Variants in CPNE1 observed in about 807,000 individuals in gnomAD.
CPNE1 encodes copine-1.
A neutral mutation model predicts 63.2 loss-of-function variants in CPNE1; 58 were observed. The observed-to-expected ratio is 0.92, with a 90% CI of 0.74 to 1.14. The LOEUF (loss-of-function observed/expected upper bound fraction) is 1.14, where lower values mean the gene tolerates loss of function less well. Among genes scored for constraint, CPNE1 ranks in the 50% most tolerant of loss-of-function variants. The pLI is 0.00. For synonymous variants in CPNE1, 237 were observed against 249.0 expected (o/e 0.95, Z 0.45); for missense variants, 672 against 661.7 (o/e 1.02, Z -0.17).
At chr20:35,630,548 A>C in intron 12 of CPNE1, 58 bp from the exon 13 acceptor site, 1 of 1,582,816 alleles carries the variant, frequency 6.3e-7, no homozygotes, top group Non-Finnish European at 8.7e-7. Flanking sequence ...AGAATGAAAA[A>C]GGACACTGGC....
chr20:35,648,589 C>T (rs2033292411), intron 1 of CPNE1, among the ~76,000 whole-genome samples: 1 of 152,208 alleles, frequency 6.6e-6, no homozygotes, highest in African/African-American at 2.4e-5. Context: ...GTCTAGCCCC[C>T]TCTAAAACAC....
At chr20:35,640,797 A>G (rs1452022565) in intron 1 of CPNE1, among the ~76,000 whole-genome samples, 1 of 152,192 alleles carries the variant, frequency 6.6e-6, no homozygotes, top group Non-Finnish European at 1.5e-5. Flanking sequence ...GAAAGGAGTG[A>G]TACTCAAGGA....
chr20:35,663,679 A>C (rs959047716), intron 1 of CPNE1, among the ~76,000 whole-genome samples: 1 of 152,194 alleles, frequency 6.6e-6, no homozygotes, highest in Non-Finnish European at 1.5e-5. Context: ...TTAGCACTTA[A>C]TACTGAGTAA....
intron 1 of CPNE1, among the ~76,000 whole-genome samples, chr20:35,636,689 C>T (rs565909272): frequency 5.3e-5 from 8 of 152,120 alleles, no homozygotes; most frequent in Non-Finnish European, 8.8e-5. Context: ...CCCAGCTACT[C>T]GGGAGCCAGG....
chr20:35,651,567 C>CT (rs2146339539), intron 1 of CPNE1: 1 of 152,336 alleles, frequency 6.6e-6, no homozygotes, highest in Non-Finnish European at 1.5e-5. Context: ...ATGGGCCCCT[C>CT]TTTGTTTAAA....
intron 1 of CPNE1, among the ~76,000 whole-genome samples, chr20:35,639,555 T>C (rs1328273100): frequency 1.3e-5 from 2 of 152,164 alleles, no homozygotes; most frequent in African/African-American, 2.4e-5. Flanking sequence ...AGGCTGGTAT[T>C]GAACTCCTGA....
chr20:35,654,257 T>C (rs1179343351), intron 1 of CPNE1: 2 of 1,614,248 alleles, frequency 1.2e-6, no homozygotes, highest in Non-Finnish European at 1.7e-6. Flanking sequence ...GCTTCAAATG[T>C]ATCTTGAGGG....
intron 1 of CPNE1, chr20:35,654,945 A>G (rs921798591): frequency 2.5e-6 from 4 of 1,614,072 alleles, no homozygotes; most frequent in Non-Finnish European, 3.4e-6. Context: ...ATGGATTATT[A>G]AAGTTGGATA....
chr20:35,627,296 T>G lies in CPNE1; in HGVS notation c.1220A>C (p.His407Pro). ...GACTCTCACCGAGGCAGTCCCCTGA[T>G]GTGCAGCCTGGGCTGCAAACCTGGC... ...HVARFAAQAA[H>P]QGTASQYFML... Residue 407 changes from histidine (H) to proline (P), a missense_variant, in exon 14 of 16, where the codon CAT becomes CCT. Coordinates refer to ENST00000397443, the MANE Select transcript of CPNE1 (RefSeq NM_152925.3). The G allele has an allele frequency of 6.2e-7, 1 of 1,610,798 alleles. No homozygotes were observed.
chr20:35,655,036 T>C, intron 1 of CPNE1: 1 of 1,614,166 alleles, frequency 6.2e-7, no homozygotes, highest in Non-Finnish European at 8.5e-7. Flanking sequence ...TGGTGGTATA[T>C]CTAAGTTGGC....
intron 1 of CPNE1, among the ~76,000 whole-genome samples, chr20:35,633,827 C>T (rs1442923920): frequency 6.6e-6 from 1 of 151,524 alleles, no homozygotes; most frequent in East Asian, 1.9e-4. Flanking sequence ...GGCATGTTGG[C>T]GTGTGCCTAT....
intron 1 of CPNE1, chr20:35,654,138 C>T (rs1348604854): frequency 5.6e-6 from 9 of 1,614,208 alleles, no homozygotes; most frequent in Non-Finnish European, 7.6e-6. Flanking sequence ...CAGAAGGTCC[C>T]ATATTTTGCT....
At chr20:35,650,945 T>G (rs572066691) in intron 1 of CPNE1, 2 of 152,696 alleles carry the variant, frequency 1.3e-5, no homozygotes, top group African/African-American at 4.8e-5. Flanking sequence ...AAAGGGGCCA[T>G]GTAAAAGATA....
Position 35,632,626 on chromosome 20 carries a change from C to T in CPNE1, c.200G>A (p.Arg67His), listed in dbSNP as rs142217317. The change falls in exon 3 of 16, where the codon CGC becomes CAC. Residue 67 changes from arginine to histidine, a missense_variant. Transcript: ENST00000397443. ...GCGTAGCTTCTGGACTGTCTCAAAGCGGTACTCAAGCTGTAGAGTCTTGGA... is the reference window on the plus strand; with the variant it reads ...GCGTAGCTTCTGGACTGTCTCAAAGTGGTACTCAAGCTGTAGAGTCTTGGA... ...EFSKTLQLEYRFETVQKLRFG... is the reference protein window; with the variant it reads ...EFSKTLQLEYHFETVQKLRFG... The T allele has an allele frequency of 6.4e-3, 9,924 of 1,545,902 alleles. 51 individuals carry two copies. Among genetic ancestry groups the T allele is most frequent in the Non-Finnish European group, 8.3e-3 (9,280 of 1,117,774 alleles).
rs2034455164 is a variant in CPNE1, at chr20:35,664,804, C to T, written c.-45G>A. On this transcript the variant is annotated 5_prime_UTR_variant, in exon 1 of 16. Coordinates refer to ENST00000397443, the MANE Select transcript of CPNE1 (RefSeq NM_152925.3). ...CCAGAACCCAGACCCCGAATTACCCCCCGCGCGAGTGCCTCCGCCCCGCGG... is the reference window on the plus strand; with the variant it reads ...CCAGAACCCAGACCCCGAATTACCCTCCGCGCGAGTGCCTCCGCCCCGCGG... The T allele has an allele frequency of 6.6e-6, 1 of 152,458 alleles. No individual in the cohort carries two copies. Among genetic ancestry groups the T allele is most frequent in the Non-Finnish European group, 1.5e-5 (1 of 68,210 alleles). The allele number at this position is 152,458 out of a possible 1,614,324, so 9.4% of individuals were successfully genotyped here.
chr20:35,659,360 G>T (rs531517747), intron 1 of CPNE1, among the ~76,000 whole-genome samples: 1 of 152,104 alleles, frequency 6.6e-6, no homozygotes, highest in African/African-American at 2.4e-5. Context: ...AGAAAACTCC[G>T]TAACACAAGT....
At chr20:35,653,637 C>G (rs539871048) in intron 1 of CPNE1, 4 of 1,614,036 alleles carry the variant, frequency 2.5e-6, no homozygotes, top group African/African-American at 1.3e-5. Flanking sequence ...CTTCTAGGAA[C>G]TGAAGAACAT....
chr20:35,637,319 A>C (rs2032541541), intron 1 of CPNE1, among the ~76,000 whole-genome samples: 1 of 152,086 alleles, frequency 6.6e-6, no homozygotes. Context: ...CTCCCTAGCA[A>C]AGCTACCTTG....
At chr20:35,659,038 C>CA (rs1357171590) in intron 1 of CPNE1, 1 of 707,770 alleles carries the variant, frequency 1.4e-6, no homozygotes, top group East Asian at 2.7e-5. Context: ...TAAACGGAGG[C>CA]AAAAATCAAT....
Sources: allele counts gnomAD v4.1 joint callset (sites outside exome capture counted in the v4.1 genomes callset), GRCh38; gene constraint gnomAD v4.1.1; transcripts MANE v1.5; gene names NCBI Gene and HGNC (gene_info 2026-07-23, HGNC 2026-07-21).